The following APLF variants were observed in gnomAD, a reference collection of about 807,000 sequenced individuals.
The protein encoded by APLF is aprataxin and PNK-like factor.
APLF carries 61 observed loss-of-function variants against 55.6 expected under a neutral mutation model. The ratio of observed to expected loss-of-function variants is 1.10; its 90% CI spans 0.89 to 1.36. The LOEUF (loss-of-function observed/expected upper bound fraction) is 1.36, where lower values mean the gene tolerates loss of function less well. APLF is among the 40% of genes most tolerant of loss of function. The probability of loss-of-function intolerance (pLI) is 0.00; values close to 1 mark genes in which losing one functional copy is unlikely to be tolerated. For missense variants in APLF, 611 were observed against 602.5 expected (o/e 1.01, Z -0.15); for synonymous variants, 207 against 214.8 (o/e 0.96, Z 0.32).
intron 2 of APLF, among the ~76,000 whole-genome samples, chr2:68,493,820 C>T (rs996923568): frequency 6.6e-6 from 1 of 151,992 alleles, no homozygotes; most frequent in African/African-American, 2.4e-5. Context: ...AAAAATTAGC[C>T]AGGCGTGGCC....
chr2:68,526,171 AC>A lies in APLF; in HGVS notation c.734del (p.Thr245AsnfsTer35). The A allele has an allele frequency of 6.2e-7, 1 of 1,614,064 alleles. No individual in the cohort carries two copies. The highest frequency in any genetic ancestry group is 8.5e-7 in the Non-Finnish European group (1 of 1,179,982). ...QLISSGSSEN[T>X]SAEQDTGEEC... is the part of the protein sequence containing the mutation. ...AATTTCATCAGGAAGTTCAGAAAATACATCAGCAGAACAAGACACAGGAGAA... is the reference window on the plus strand; with the variant it reads ...AATTTCATCAGGAAGTTCAGAAAATAATCAGCAGAACAAGACACAGGAGAA... On this transcript the variant is annotated frameshift_variant, in exon 6 of 10. Transcript: ENST00000303795. LOFTEE classifies it high-confidence loss of function.
intron 8 of APLF, among the ~76,000 whole-genome samples, chr2:68,554,336 A>G (rs1272193327): frequency 1.3e-5 from 2 of 152,108 alleles, no homozygotes; most frequent in African/African-American, 2.4e-5. Flanking sequence ...TACTACAGGC[A>G]TTGTTAACAT....
intron 9 of APLF, among the ~76,000 whole-genome samples, chr2:68,567,846 T>C (rs1208284114): frequency 1.3e-5 from 2 of 152,138 alleles, no homozygotes; most frequent in Non-Finnish European, 2.9e-5. Flanking sequence ...CGAGGGACTT[T>C]ATGTGTCCTT....
intron 2 of APLF, among the ~76,000 whole-genome samples, chr2:68,499,030 C>T (rs1024528654): frequency 8.6e-5 from 13 of 151,654 alleles, no homozygotes; most frequent in African/African-American, 3.1e-4. Context: ...AAAAAGCTTT[C>T]CAAATTAAAC....
At chr2:68,526,286 GT>G (rs1181943346) in intron 6 of APLF, 44 bp downstream of exon 6, 1 of 1,563,982 alleles carries the variant, frequency 6.4e-7, no homozygotes, top group Non-Finnish European at 8.7e-7. Context: ...TTTGTTAGGT[GT>G]TTTAGATAGA....
chr2:68,535,174 A>G (rs1020234743), intron 6 of APLF: 5 of 277,298 alleles, frequency 1.8e-5, no homozygotes, highest in Non-Finnish European at 3.7e-5. Context: ...AATAAAACAA[A>G]CTCTTCTCTA....
rs1268940175 is a variant in APLF at position 68,538,069 on chromosome 2, C to T, written c.1002C>T (p.Asp334=). 1 of 1,613,994 alleles carries T rather than the reference C, an allele frequency of 6.2e-7. No individual in the cohort carries two copies. Among genetic ancestry groups the T allele is most frequent in the Non-Finnish European group, 8.5e-7 (1 of 1,180,004 alleles). ...CSENCSSAQG[D]SLQDESQGSH... ...AAAATTGTTCGAGTGCCCAGGGCGA[C>T]TCACTTCAGGATGAGTCTCAAGGGT... is the stretch of plus-strand genomic sequence containing the variant. Residue 334 remains aspartate (D), a synonymous_variant, in exon 7 of 10, where the codon GAC becomes GAT. Coordinates refer to ENST00000303795, the MANE Select transcript of APLF (RefSeq NM_173545.3).
At chr2:68,512,890 A>T (rs1470045363) in intron 3 of APLF, among the ~76,000 whole-genome samples, 190 bp from the exon 4 acceptor site, 2 of 151,704 alleles carry the variant, frequency 1.3e-5, no homozygotes, top group Non-Finnish European at 3.0e-5. Context: ...GGAAAGATTG[A>T]TGTATTTTAT....
intron 8 of APLF, among the ~76,000 whole-genome samples, chr2:68,550,000 C>T (rs1360626484): frequency 1.3e-5 from 2 of 151,888 alleles, no homozygotes; most frequent in South Asian, 2.1e-4. Context: ...AGTGTTGGTC[C>T]GATATAATCT....
At chr2:68,565,036 A>G (rs1671263353) in intron 8 of APLF, among the ~76,000 whole-genome samples, 1 of 152,128 alleles carries the variant, frequency 6.6e-6, no homozygotes, top group African/African-American at 2.4e-5. Flanking sequence ...CTTAACAGTC[A>G]CATACAGTTA....
At chr2:68,478,272 C>T (rs947728988) in intron 1 of APLF, among the ~76,000 whole-genome samples, 3 of 151,882 alleles carry the variant, frequency 2.0e-5, no homozygotes, top group African/African-American at 7.2e-5. Flanking sequence ...TAAATGAATA[C>T]AGCATATGGA....
chr2:68,538,201 C>G lies in APLF; in HGVS notation c.1134C>G (p.Ser378=). 1 of 1,607,822 alleles carries G rather than the reference C, an allele frequency of 6.2e-7. No individual in the cohort carries two copies. Among genetic ancestry groups the G allele is most frequent in the South Asian group, 1.1e-5 (1 of 89,658 alleles). ...AAGGAAACAAGGTCAAGAGGACATC[C>G]TGCATGTATGGGGCAAACTGCTATA... is the stretch of plus-strand genomic sequence containing the variant. The part of the protein sequence containing the change: ...GSEGNKVKRT[S]CMYGANCYRK... Residue 378 remains serine (S), a synonymous_variant, in exon 7 of 10, where the codon TCC becomes TCG. Coordinates refer to ENST00000303795, the MANE Select transcript of APLF (RefSeq NM_173545.3).
intron 3 of APLF, among the ~76,000 whole-genome samples, chr2:68,504,115 C>T (rs1261046195): frequency 6.6e-6 from 1 of 151,788 alleles, no homozygotes. Flanking sequence ...TCTTAAAAAA[C>T]AAAACTGATG....
At chr2:68,477,023 T>C (rs1286327746) in intron 1 of APLF, among the ~76,000 whole-genome samples, 1 of 152,198 alleles carries the variant, frequency 6.6e-6, no homozygotes, top group Non-Finnish European at 1.5e-5. Flanking sequence ...AAATGAAATA[T>C]ATGTAGGTAG....
intron 2 of APLF, among the ~76,000 whole-genome samples, chr2:68,494,224 G>A (rs539229153): frequency 8.3e-4 from 115 of 138,926 alleles, no homozygotes; most frequent in African/African-American, 3.1e-3. Flanking sequence ...ATAGCAGTAA[G>A]CTGAGATCGC....
At chr2:68,540,234 C>G (rs149675334) in intron 7 of APLF, among the ~76,000 whole-genome samples, 4,956 of 152,090 alleles carry the variant, frequency 0.033, 104 homozygotes, top group Middle Eastern at 0.058. Context: ...TTGTTCAACT[C>G]CCACTTATGA....
intron 9 of APLF, among the ~76,000 whole-genome samples, chr2:68,568,878 A>C (rs1003749592): frequency 7.9e-5 from 12 of 152,120 alleles, no homozygotes; most frequent in African/African-American, 2.2e-4. Flanking sequence ...TTAAGGCTAT[A>C]GGTTTAGTCA....
At chr2:68,474,541 C>T (rs1044734763) in intron 1 of APLF, among the ~76,000 whole-genome samples, 3 of 152,226 alleles carry the variant, frequency 2.0e-5, no homozygotes, top group African/African-American at 7.2e-5. Context: ...ATATCTTCCC[C>T]TGAATTAATG....
At chr2:68,550,603 C>A (rs1024003033) in intron 8 of APLF, among the ~76,000 whole-genome samples, 3 of 151,962 alleles carry the variant, frequency 2.0e-5, no homozygotes, top group Non-Finnish European at 4.4e-5. Context: ...ATTTATCCTA[C>A]ATATTCTTTG....
Sources: allele counts gnomAD v4.1 joint callset (sites outside exome capture counted in the v4.1 genomes callset), GRCh38; gene constraint gnomAD v4.1.1; transcripts MANE v1.5; gene names NCBI Gene and HGNC (gene_info 2026-07-23, HGNC 2026-07-21).